PTPRT: variants seen among roughly 807,000 people sequenced by gnomAD.
The protein encoded by PTPRT is receptor-type tyrosine-protein phosphatase T.
PTPRT carries 56 observed loss-of-function variants against 176.8 expected under a neutral mutation model. That is an observed-to-expected ratio of 0.32 (90% CI 0.26 to 0.40). PTPRT has a LOEUF of 0.40. PTPRT is among the 10% of genes least tolerant of loss of function. The pLI, the probability that PTPRT is intolerant of heterozygous loss-of-function variation, is 1.00. For synonymous variants in PTPRT, 783 were observed against 739.0 expected (o/e 1.06, Z -0.96); for missense variants, 1,540 against 1,908.2 (o/e 0.81, Z 3.60).
At chr20:42,680,874 T>C (rs994241812) in intron 6 of PTPRT, among the ~76,000 whole-genome samples, 1 of 152,212 alleles carries the variant, frequency 6.6e-6, no homozygotes, top group Non-Finnish European at 1.5e-5. Context: ...TGTCCCTATC[T>C]CAAATGACTT....
intron 9 of PTPRT, among the ~76,000 whole-genome samples, chr20:42,365,549 A>G (rs992777869): frequency 1.3e-5 from 2 of 151,832 alleles, no homozygotes; most frequent in African/African-American, 4.8e-5. Context: ...AGCATGCATG[A>G]TCTAGAGCAG....
At chr20:42,291,796 G>A (rs1220456801) in intron 12 of PTPRT, among the ~76,000 whole-genome samples, 2 of 152,104 alleles carry the variant, frequency 1.3e-5, no homozygotes, top group East Asian at 3.9e-4. Flanking sequence ...CGAAGCTAGC[G>A]ACATAAGACC....
intron 5 of PTPRT, 141 bp from the exon 6 acceptor site, chr20:42,756,777 C>T (rs2076839681): frequency 1.4e-6 from 1 of 715,902 alleles, no homozygotes; most frequent in Non-Finnish European, 2.1e-6. Context: ...CAGCCAGGCA[C>T]AGTGGCTCAT....
intron 12 of PTPRT, among the ~76,000 whole-genome samples, chr20:42,299,907 A>G (rs1378644657): frequency 2.6e-5 from 4 of 151,318 alleles, no homozygotes; most frequent in African/African-American, 9.7e-5. Context: ...TCAGTCTCCC[A>G]AAGTGCTGGG....
intron 9 of PTPRT, among the ~76,000 whole-genome samples, chr20:42,445,822 G>A (rs2070723741): frequency 6.6e-6 from 1 of 152,182 alleles, no homozygotes; most frequent in African/African-American, 2.4e-5. Context: ...GATTCACACA[G>A]AAGTGAGAAG....
chr20:42,949,206 G>T (rs1011013070), intron 1 of PTPRT, among the ~76,000 whole-genome samples: 6 of 152,170 alleles, frequency 3.9e-5, no homozygotes, highest in Non-Finnish European at 8.8e-5. Flanking sequence ...CTGAGCTAGG[G>T]CCTATTCCTA....
At position 42,999,629 on chromosome 20, in the gene PTPRT, T is replaced by G. The variant is rs563276526; in HGVS notation, c.89-113697A>C. Among the ~76,000 whole-genome samples, 730 of 151,548 alleles carry G rather than the reference T, an allele frequency of 4.8e-3. 9 individuals are homozygous for G. The highest frequency in any genetic ancestry group is 0.017 in the African/African-American group (698 of 41,330). On this transcript the variant is annotated intron_variant, in intron 1 of 30. Transcript: ENST00000373187. The stretch of plus-strand genomic sequence containing the variant: ...GTGGTTTTTTTTTTGTTGTTGTTGT[T>G]GTTGTGGTGGTTGTTGTTGTTGTTT...
chr20:42,523,041 T>A (rs2072204870), intron 7 of PTPRT, among the ~76,000 whole-genome samples: 1 of 152,218 alleles, frequency 6.6e-6, no homozygotes. Context: ...GAATTTTGAC[T>A]GGTTCCTTCT....
chr20:43,116,294 C>T (rs942979170), intron 1 of PTPRT, among the ~76,000 whole-genome samples: 18 of 152,188 alleles, frequency 1.2e-4, no homozygotes, highest in Admixed American at 1.2e-3. Flanking sequence ...ACTGGAAAAG[C>T]AGCCATCACA....
chr20:42,555,604 G>A (rs1056785181), intron 7 of PTPRT, among the ~76,000 whole-genome samples: 3 of 152,080 alleles, frequency 2.0e-5, no homozygotes, highest in Non-Finnish European at 2.9e-5. Flanking sequence ...CCGGCATCCC[G>A]GACACCGCCA....
At chr20:42,237,191 G>A (rs1048849240) in intron 14 of PTPRT, among the ~76,000 whole-genome samples, 1 of 152,208 alleles carries the variant, frequency 6.6e-6, no homozygotes, top group South Asian at 2.1e-4. Flanking sequence ...TGCCCAAAGT[G>A]AAGACACATG....
At chr20:42,569,310 T>G (rs914169424) in intron 7 of PTPRT, among the ~76,000 whole-genome samples, 2 of 151,742 alleles carry the variant, frequency 1.3e-5, no homozygotes, top group Non-Finnish European at 2.9e-5. Context: ...CCTTTCCCAA[T>G]AGACTGCAAG....
At chr20:43,124,763 G>A (rs1407895132) in intron 1 of PTPRT, among the ~76,000 whole-genome samples, 1 of 152,156 alleles carries the variant, frequency 6.6e-6, no homozygotes, top group Non-Finnish European at 1.5e-5. Context: ...TGAGAATAGG[G>A]TGCAATGAAC....
chr20:42,779,527 G>A (rs952721744), intron 4 of PTPRT, among the ~76,000 whole-genome samples: 2 of 152,060 alleles, frequency 1.3e-5, no homozygotes, highest in Non-Finnish European at 2.9e-5. Context: ...AATGTCACTG[G>A]GTATGATGTC....
chr20:42,670,751 G>T (rs2146037593), intron 7 of PTPRT, among the ~76,000 whole-genome samples: 2 of 152,270 alleles, frequency 1.3e-5, no homozygotes, highest in Middle Eastern at 6.8e-3. Context: ...AAGGGGGACG[G>T]GCTAAGATTA....
At chr20:42,596,350 T>C (rs2073670390) in intron 7 of PTPRT, among the ~76,000 whole-genome samples, 1 of 152,210 alleles carries the variant, frequency 6.6e-6, no homozygotes, top group Admixed American at 6.5e-5. Flanking sequence ...TTGCAGTTCC[T>C]AACGTATTAA....
chr20:42,985,168 C>T (rs6103115), intron 1 of PTPRT, among the ~76,000 whole-genome samples: 8 of 152,134 alleles, frequency 5.3e-5, no homozygotes, highest in South Asian at 2.1e-4. Context: ...AACATTTTTA[C>T]GACTCAGCAA....
At chr20:42,346,272 G>T (rs2058193584) in intron 11 of PTPRT, among the ~76,000 whole-genome samples, 1 of 152,186 alleles carries the variant, frequency 6.6e-6, no homozygotes, top group Non-Finnish European at 1.5e-5. Flanking sequence ...AGAACCTGGG[G>T]CTCTGCCCCC....
chr20:43,026,957 C>A (rs985635578), intron 1 of PTPRT, among the ~76,000 whole-genome samples: 5 of 152,136 alleles, frequency 3.3e-5, no homozygotes, highest in Non-Finnish European at 7.3e-5. Context: ...ACCACAATTT[C>A]TTTTTCCATT....
Sources: gnomAD v4.1 joint callset for allele counts (sites outside exome capture counted in the v4.1 genomes callset) on GRCh38, gnomAD v4.1.1 for gene constraint, MANE v1.5 for transcripts, NCBI Gene and HGNC (gene_info 2026-07-23, HGNC 2026-07-21) for gene names.